XIRP2: variants seen among roughly 807,000 people sequenced by gnomAD.
XIRP2 encodes the protein xin actin binding repeat containing 2.
In XIRP2, 236 loss-of-function variants were observed where a neutral mutation model predicts 277.0. The observed-to-expected ratio is 0.85, with a 90% CI of 0.77 to 0.95. The LOEUF (loss-of-function observed/expected upper bound fraction) is 0.95. Among genes scored for constraint, XIRP2 ranks in the 40% least tolerant of loss-of-function variants. The pLI is 0.00. For synonymous variants in XIRP2, 1,490 were observed against 1,416.5 expected (o/e 1.05, Z -1.17); for missense variants, 4,640 against 4,157.5 (o/e 1.12, Z -3.19).
At chr2:167,084,699 T>A (rs1220367228) in intron 2 of XIRP2, among the ~76,000 whole-genome samples, 1 of 152,130 alleles carries the variant, frequency 6.6e-6, no homozygotes, top group Non-Finnish European at 1.5e-5. Context: ...AATTTATCCA[T>A]TTCTGCTAGA....
intron 2 of XIRP2, among the ~76,000 whole-genome samples, chr2:166,954,936 C>A (rs1686124408): frequency 6.6e-6 from 1 of 151,656 alleles, no homozygotes; most frequent in Non-Finnish European, 1.5e-5. Context: ...GAGGGGAGAG[C>A]ATTAGGAAAG....
At chr2:167,057,054 T>G (rs1297993651) in intron 2 of XIRP2, among the ~76,000 whole-genome samples, 1 of 152,176 alleles carries the variant, frequency 6.6e-6, no homozygotes. Context: ...CTTGGTATAT[T>G]TAATGAAAAC....
intron 2 of XIRP2, among the ~76,000 whole-genome samples, chr2:167,086,644 TTTTA>T (rs1473544771): frequency 6.6e-6 from 1 of 152,032 alleles, no homozygotes; most frequent in Non-Finnish European, 1.5e-5. Flanking sequence ...GCTCATTTCT[TTTTA>T]TTGTTTTTTC....
chr2:166,967,843 T>A (rs866360289), intron 2 of XIRP2, among the ~76,000 whole-genome samples: 6 of 151,988 alleles, frequency 3.9e-5, no homozygotes, highest in South Asian at 2.1e-4. Flanking sequence ...TTGCTACTTT[T>A]AATTTTTTTG....
chr2:167,186,810 T>G (rs932937404), intron 3 of XIRP2, among the ~76,000 whole-genome samples: 8 of 151,842 alleles, frequency 5.3e-5, no homozygotes, highest in African/African-American at 7.2e-5. Flanking sequence ...TCCTTGTTTT[T>G]TTTTTTTTTT....
chr2:166,972,556 C>G (rs1686608068), intron 2 of XIRP2, among the ~76,000 whole-genome samples: 1 of 152,066 alleles, frequency 6.6e-6, no homozygotes, highest in Non-Finnish European at 1.5e-5. Context: ...TGATTAGTAG[C>G]TACTAAAGCA....
rs575249717 is a variant in XIRP2 at position 166,958,865 on chromosome 2, C to T, written c.408+54975C>T. Among the ~76,000 whole-genome samples, 12 of 151,876 alleles carry T rather than the reference C, an allele frequency of 7.9e-5. No homozygotes were observed. The South Asian group carries it at 2.5e-3, about 32-fold the overall frequency. On this transcript the variant is annotated intron_variant, in intron 2 of 10. Coordinates refer to ENST00000409195, the MANE Select transcript of XIRP2 (RefSeq NM_152381.6). The stretch of plus-strand genomic sequence containing the variant: ...ATAAATAAATAATCAGCCTTTCATT[C>T]AGCATTATGTATTCATGGAATTTCA...
intron 3 of XIRP2, among the ~76,000 whole-genome samples, chr2:167,174,312 G>T (rs561855208): frequency 2.0e-5 from 3 of 152,210 alleles, no homozygotes; most frequent in South Asian, 4.1e-4. Context: ...GGTCTATTCA[G>T]GGATTCAACT....
chr2:167,242,339 T>A (rs1695097567), intron 8 of XIRP2, among the ~76,000 whole-genome samples: 1 of 152,300 alleles, frequency 6.6e-6, no homozygotes, highest in African/African-American at 2.4e-5. Flanking sequence ...ATTGAGTCCT[T>A]GTTGCATTGA....
intron 2 of XIRP2, among the ~76,000 whole-genome samples, chr2:167,122,690 C>T (rs999897887): frequency 6.6e-6 from 1 of 152,266 alleles, no homozygotes; most frequent in East Asian, 1.9e-4. Context: ...ACTTAGTGTA[C>T]TTGTGAGCAA....
intron 2 of XIRP2, among the ~76,000 whole-genome samples, chr2:167,093,059 G>C (rs1392893403): frequency 2.0e-5 from 3 of 152,026 alleles, no homozygotes. Flanking sequence ...TTTTCTTACT[G>C]TCTACTATGC....
chr2:167,198,064 T>A (rs911971524), intron 3 of XIRP2, among the ~76,000 whole-genome samples: 2 of 152,192 alleles, frequency 1.3e-5, no homozygotes, highest in African/African-American at 4.8e-5. Context: ...AATGCCTATG[T>A]CAAATTTTTA....
intron 4 of XIRP2, among the ~76,000 whole-genome samples, chr2:167,212,623 A>G (rs1694088365): frequency 6.6e-6 from 1 of 152,216 alleles, no homozygotes; most frequent in African/African-American, 2.4e-5. Context: ...CTTATAGATT[A>G]TAAAATTAGG....
At chr2:167,042,610 G>A (rs1307713220) in intron 2 of XIRP2, among the ~76,000 whole-genome samples, 1 of 152,166 alleles carries the variant, frequency 6.6e-6, no homozygotes, top group Non-Finnish European at 1.5e-5. Context: ...AAAGGACAAA[G>A]AAGGGCATTA....
chr2:167,245,405 A>T lies in XIRP2; in HGVS notation c.4013A>T (p.Lys1338Ile), dbSNP rs770349873. The change falls in exon 9 of 11, where the codon AAA (lysine) becomes ATA (isoleucine). Residue 1338 changes from lysine (K) to isoleucine (I), a missense_variant. Coordinates refer to ENST00000409195, the MANE Select transcript of XIRP2 (RefSeq NM_152381.6). ...EGSYHEVTTVKKEEVIHGDVR... is the reference protein window; with the variant it reads ...EGSYHEVTTVIKEEVIHGDVR... ...TCCTATCATGAAGTGACCACAGTTA[A>T]AAAAGAAGAGGTAATTCATGGAGAT... is the stretch of plus-strand genomic sequence containing the variant. 5 of 1,613,646 alleles carry T rather than the reference A, an allele frequency of 3.1e-6. No individual in the cohort carries two copies. The highest frequency in any genetic ancestry group is 4.2e-6 in the Non-Finnish European group (5 of 1,179,760).
chr2:166,948,067 G>A (rs1047630617), intron 2 of XIRP2, among the ~76,000 whole-genome samples: 6 of 152,076 alleles, frequency 3.9e-5, no homozygotes, highest in Non-Finnish European at 8.8e-5. Context: ...GGTGAGAAGA[G>A]GATGAATAGA....
rs762940982 is a variant in XIRP2 at position 167,251,660 on chromosome 2, A to G, written c.10268A>G (p.Asp3423Gly). Reference sequence around the variant, plus strand: ...CTAAGTGAACATTTCTCAGGCATGGATGCATTTGAGAGTCAAATTGTTGAG... The same window carrying G: ...CTAAGTGAACATTTCTCAGGCATGGGTGCATTTGAGAGTCAAATTGTTGAG... ...RSLSEHFSGM[D>G]AFESQIVESK... The change falls in exon 9 of 11, where the codon GAT becomes GGT. Residue 3423 changes from aspartate (D) to glycine (G), a missense_variant. Physicochemically the swap from Asp to Gly is moderately conservative, Grantham distance 94. Coordinates refer to ENST00000409195, the MANE Select transcript of XIRP2 (RefSeq NM_152381.6). The G allele has an allele frequency of 4.7e-5, 76 of 1,613,338 alleles. No individual in the cohort carries two copies. The highest frequency in any genetic ancestry group is 6.2e-5 in the Non-Finnish European group (73 of 1,179,666).
intron 2 of XIRP2, among the ~76,000 whole-genome samples, chr2:166,912,661 TC>T (rs1231282187): frequency 1.3e-5 from 2 of 152,222 alleles, no homozygotes; most frequent in African/African-American, 4.8e-5. Flanking sequence ...GGAGCTGCAT[TC>T]CTTTGGAGGG....
At chr2:166,939,000 G>C (rs879289730) in intron 2 of XIRP2, among the ~76,000 whole-genome samples, 64 of 152,184 alleles carry the variant, frequency 4.2e-4, no homozygotes, top group Non-Finnish European at 7.5e-4. Context: ...CACATGAGGT[G>C]GGTCTCCTGA....
Sources: gnomAD v4.1 joint callset for allele counts (sites outside exome capture counted in the v4.1 genomes callset) on GRCh38, gnomAD v4.1.1 for gene constraint, MANE v1.5 for transcripts, NCBI Gene and HGNC (gene_info 2026-07-23, HGNC 2026-07-21) for gene names.